MRTFA: variants seen among roughly 807,000 people sequenced by gnomAD.
MRTFA encodes myocardin-related transcription factor A.
Under a neutral mutation model 83.5 loss-of-function variants are expected in MRTFA, and 20 were observed. The observed-to-expected ratio is 0.24, with a 90% CI of 0.17 to 0.35. The LOEUF is 0.35. MRTFA is among the 10% of genes least tolerant of loss of function. The pLI is 1.00. For synonymous variants in MRTFA, 659 were observed against 541.2 expected, an observed-to-expected ratio of 1.22 and a Z score of -3.02; for missense variants, 1,200 against 1,224.7, an observed-to-expected ratio of 0.98 and a Z score of 0.30.
intron 2 of MRTFA, among the ~76,000 whole-genome samples, chr22:40,571,350 C>T (rs940841631): frequency 6.6e-6 from 1 of 152,064 alleles, no homozygotes; most frequent in Non-Finnish European, 1.5e-5. Flanking sequence ...ATCTTCATGA[C>T]CTTCAATTAG....
At position 40,617,530 on chromosome 22, in the gene MRTFA, T is replaced by C. The variant is rs577493436; in HGVS notation, c.-84+18948A>G. The stretch of plus-strand genomic sequence containing the variant: ...TCACAAGGTCAGGAGATCGAGACCA[T>C]CCTGGCTAACACGGTGAAACCCCGT... On this transcript the variant is annotated intron_variant, in intron 1 of 14. Transcript: ENST00000355630. Among the ~76,000 whole-genome samples, 8 of 151,866 alleles carry C rather than the reference T, an allele frequency of 5.3e-5. No homozygotes were observed. The East Asian group carries it at 1.6e-3, about 30-fold the overall frequency.
chr22:40,594,394 G>C (rs1383860524), intron 2 of MRTFA, among the ~76,000 whole-genome samples: 3 of 152,030 alleles, frequency 2.0e-5, no homozygotes, highest in African/African-American at 4.8e-5. Flanking sequence ...TGTGTGGGTG[G>C]GTACATGTGT....
chr22:40,427,781 T>C (rs1452703640), intron 7 of MRTFA, among the ~76,000 whole-genome samples: 1 of 152,054 alleles, frequency 6.6e-6, no homozygotes, highest in Non-Finnish European at 1.5e-5. Context: ...AGACTAAGGA[T>C]TGGGCCAGTC....
intron 4 of MRTFA, among the ~76,000 whole-genome samples, chr22:40,448,303 CT>C (rs1569270640): frequency 6.6e-6 from 1 of 150,682 alleles, no homozygotes; most frequent in Non-Finnish European, 1.5e-5. Context: ...GAGCGAGACT[CT>C]GTCTCAAAAA....
chr22:40,421,245 G>A lies in MRTFA; in HGVS notation c.928-145C>T, dbSNP rs966025129. On this transcript the variant is annotated intron_variant, in intron 9 of 14. Coordinates refer to ENST00000355630, the MANE Select transcript of MRTFA (RefSeq NM_020831.6). Reference sequence around the variant, plus strand: ...CATTTCCACTCTTCCCTGTGGGACCGTACACCCCGTGAAAAGCAGAAATGT... The same window carrying A: ...CATTTCCACTCTTCCCTGTGGGACCATACACCCCGTGAAAAGCAGAAATGT... 1.0e-4 allele frequency: 95 copies of A among 906,810 alleles called. 1 individual carries two copies. In the Admixed American group the frequency reaches 2.4e-3, roughly 22 times the overall value. The allele number at this position is 906,810 out of a possible 1,614,324, so 56.2% of individuals were successfully genotyped here.
chr22:40,592,263 C>G (rs2056131241), intron 2 of MRTFA, among the ~76,000 whole-genome samples: 1 of 92,488 alleles, frequency 1.1e-5, no homozygotes, highest in Non-Finnish European at 2.2e-5. Flanking sequence ...ACCTCAGTCT[C>G]TACAAAAAAA....
At chr22:40,609,475 T>C (rs1402193893) in intron 1 of MRTFA, among the ~76,000 whole-genome samples, 1 of 128,124 alleles carries the variant, frequency 7.8e-6, no homozygotes, top group Non-Finnish European at 1.7e-5. Context: ...AGACCCTGTC[T>C]CTTTAACAAA....
At chr22:40,574,680 C>T (rs879400006) in intron 2 of MRTFA, among the ~76,000 whole-genome samples, 3 of 152,096 alleles carry the variant, frequency 2.0e-5, no homozygotes, top group Non-Finnish European at 2.9e-5. Context: ...GAGATTCACC[C>T]GCCTCAGCCT....
intron 2 of MRTFA, chr22:40,587,288 G>C (rs2056045377): frequency 2.1e-6 from 1 of 484,982 alleles, no homozygotes; most frequent in Admixed American, 2.3e-5. Flanking sequence ...ATGCCCATCA[G>C]GAGCAAGTTT....
Position 40,604,128 on chromosome 22 carries a change from CT to C in MRTFA, c.-83-9394del, listed in dbSNP as rs959099655. ...CTACCTGAGTAAAAGCTGTTAGTTTCTTTTTTTTTTTTTTCTTTTTGAGACA... is the reference window on the plus strand; with the variant it reads ...CTACCTGAGTAAAAGCTGTTAGTTTCTTTTTTTTTTTTTCTTTTTGAGACA... On this transcript the variant is annotated intron_variant, in intron 1 of 14. Coordinates refer to ENST00000355630, the MANE Select transcript of MRTFA (RefSeq NM_020831.6). Among the ~76,000 whole-genome samples, 200 of 140,698 alleles carry C rather than the reference CT, an allele frequency of 1.4e-3. 1 individual carries two copies. The Middle Eastern group carries it at 0.015, about 10-fold the overall frequency. 92.3% of individuals were successfully genotyped at this position (140,698 alleles called of 152,430 possible).
Position 40,625,449 on chromosome 22 carries a change from C to CTAAATAAA in MRTFA, c.-84+11021_-84+11028dup, listed in dbSNP as rs60700777. Among the ~76,000 whole-genome samples the CTAAATAAA allele has an allele frequency of 1.3e-3, 174 of 137,560 alleles. 1 individual carries two copies. Among genetic ancestry groups the CTAAATAAA allele is most frequent in the Admixed American group, 2.2e-3 (29 of 13,428 alleles). The allele number at this position is 137,560 out of a possible 152,430, so 90.2% of individuals were successfully genotyped here. On this transcript the variant is annotated intron_variant, in intron 1 of 14. Coordinates refer to ENST00000355630, the MANE Select transcript of MRTFA (RefSeq NM_020831.6). ...CAGGCAACATAGCAAGGCCCTCTCT[C>CTAAATAAA]TAAATAAATAAATAAATAAATAAAT...
chr22:40,418,630 G>A lies in MRTFA; in HGVS notation c.2108C>T (p.Ala703Val). ...AGGGTCTATGTGGTTGGTGGCTGGGGCCGCCAGGCTGGGGTTGAATGGGTG... is the reference window on the plus strand; with the variant it reads ...AGGGTCTATGTGGTTGGTGGCTGGGACCGCCAGGCTGGGGTTGAATGGGTG... Residue 703 changes from alanine (A) to valine (V), a missense_variant, in exon 12 of 15, where the codon GCC becomes GTC. Ala to Val is a moderately conservative substitution (Grantham distance 64, BLOSUM62 0). Around this residue, in one of 2 missense-constraint regions of MRTFA, gnomAD observed 1,107 missense variants for 1,041.8 expected, o/e 1.06. Transcript: ENST00000355630. The A allele has an allele frequency of 1.3e-6, 2 of 1,530,384 alleles. No individual in the cohort carries two copies. The highest frequency in any genetic ancestry group is 1.7e-6 in the Non-Finnish European group (2 of 1,145,798). The allele number at this position is 1,530,384 out of a possible 1,614,324, so 94.8% of individuals were successfully genotyped here. A position where few individuals can be genotyped will look rare whatever the true frequency, so the allele number is the denominator to read the frequency against.
chr22:40,610,154 C>T (rs1344456167), intron 1 of MRTFA, among the ~76,000 whole-genome samples: 1 of 147,860 alleles, frequency 6.8e-6, no homozygotes, highest in Non-Finnish European at 1.5e-5. Context: ...TCAGACGATT[C>T]TCCTGCCTCA....
chr22:40,609,032 C>T (rs984588598), intron 1 of MRTFA, among the ~76,000 whole-genome samples: 5 of 152,106 alleles, frequency 3.3e-5, no homozygotes, highest in Non-Finnish European at 2.9e-5. Flanking sequence ...GTGGCTCATG[C>T]CTATAAACCC....
rs575185168 is a variant in MRTFA, at chr22:40,567,596, G to A, written c.-21-15229C>T. Among the ~76,000 whole-genome samples, 12 of 152,222 alleles carry A rather than the reference G, an allele frequency of 7.9e-5. No individual in the cohort carries two copies. In the East Asian group the frequency reaches 1.7e-3, roughly 22 times the overall value. On this transcript the variant is annotated intron_variant, in intron 2 of 14. Coordinates refer to ENST00000355630, the MANE Select transcript of MRTFA (RefSeq NM_020831.6). ...ATCAGCCTAGACAACCTGAAATGTT[G>A]CCAGGCCACGGAAAACCTGCCACAG...
intron 3 of MRTFA, among the ~76,000 whole-genome samples, chr22:40,499,961 C>T (rs1278188579): frequency 2.2e-5 from 3 of 139,244 alleles, no homozygotes; most frequent in African/African-American, 8.2e-5. Context: ...TCACTCTGTC[C>T]CCAAGGCTGG....
chr22:40,454,461 T>G lies in MRTFA; in HGVS notation c.307+8760A>C, dbSNP rs181034898. Among the ~76,000 whole-genome samples the G allele has an allele frequency of 3.8e-4, 57 of 151,786 alleles. No homozygotes were observed. In the South Asian group the frequency reaches 5.0e-3, roughly 13 times the overall value. On this transcript the variant is annotated intron_variant, in intron 4 of 14. Coordinates refer to ENST00000355630, the MANE Select transcript of MRTFA (RefSeq NM_020831.6). ...AGTTTTGACATAACTTAGAGGTAGG[T>G]GTGTGTGTGTGTGTATATTAAAGCT...
chr22:40,609,897 G>A (rs552325625), intron 1 of MRTFA, among the ~76,000 whole-genome samples: 3 of 152,028 alleles, frequency 2.0e-5, no homozygotes, highest in African/African-American at 2.4e-5. Flanking sequence ...GCAGATAAAC[G>A]TATGTCCTCT....
chr22:40,618,176 G>A (rs544439153), intron 1 of MRTFA, among the ~76,000 whole-genome samples: 256 of 151,358 alleles, frequency 1.7e-3, no homozygotes, highest in African/African-American at 6.0e-3. Flanking sequence ...CTGGGTTCAC[G>A]CCATTCTCCT....
Sources: gnomAD v4.1 joint callset for allele counts (sites outside exome capture counted in the v4.1 genomes callset) on GRCh38, gnomAD v4.1.1 for gene constraint, gnomAD v4.1.1 regional missense constraint, MANE v1.5 for transcripts, NCBI Gene and HGNC (gene_info 2026-07-23, HGNC 2026-07-21) for gene names.